The following WDFY3 variants were observed in gnomAD, a reference collection of about 807,000 sequenced individuals.
WDFY3 encodes the protein WD repeat and FYVE domain containing 3.
Under a neutral mutation model 409.6 loss-of-function variants are expected in WDFY3, and 66 were observed. The ratio of observed to expected loss-of-function variants is 0.16; its 90% confidence interval spans 0.13 to 0.20. The LOEUF (loss-of-function observed/expected upper bound fraction) is 0.20. Ranked by LOEUF, WDFY3 falls within the 10% of genes least tolerant of loss-of-function variation. The pLI is 1.00. For synonymous variants in WDFY3, 1,521 were observed against 1,537.1 expected, an observed-to-expected ratio of 0.99 and a Z score of 0.25; for missense variants, 3,031 against 4,298.1, an observed-to-expected ratio of 0.71 and a Z score of 8.24.
chr4:84,714,471 AG>A (rs1226872174), intron 50 of WDFY3, among the ~76,000 whole-genome samples: 1 of 152,182 alleles, frequency 6.6e-6, no homozygotes, highest in African/African-American at 2.4e-5. Flanking sequence ...AAATATGCTT[AG>A]ATTAGATTAA....
rs930780523 is a variant in WDFY3, at chr4:84,721,332, C to A, written c.7605+77G>T. 8.4e-6 allele frequency: 13 copies of A among 1,555,600 alleles called. No homozygotes were observed. In the African/African-American group the frequency reaches 1.2e-4, roughly 15 times the overall value. On this transcript the variant is annotated intron_variant, in intron 47 of 67. Transcript: ENST00000295888. ...AGGCTAATGCATTTACTTTCCACAG[C>A]TACCCTATCAACTCATCTTGTCTTA...
At chr4:84,732,867 T>C (rs1736832092) in intron 44 of WDFY3, among the ~76,000 whole-genome samples, 1 of 152,112 alleles carries the variant, frequency 6.6e-6, no homozygotes, top group African/African-American at 2.4e-5. Flanking sequence ...AGCCAGGGTG[T>C]TTGTCAGAGA....
At chr4:84,696,891 T>C (rs1055481719) in intron 56 of WDFY3, 68 bp from the exon 57 acceptor site, 2 of 1,390,658 alleles carry the variant, frequency 1.4e-6, no homozygotes, top group African/African-American at 1.4e-5. Context: ...TTTATATTAA[T>C]CTGACTGAGA....
chr4:84,738,534 A>G (rs1025277658), intron 40 of WDFY3, among the ~76,000 whole-genome samples: 5 of 151,914 alleles, frequency 3.3e-5, no homozygotes, highest in African/African-American at 1.2e-4. Flanking sequence ...CCCGAAAGGT[A>G]AAGGTTGTAG....
intron 1 of WDFY3, among the ~76,000 whole-genome samples, chr4:84,962,061 C>T (rs1774989549): frequency 6.6e-6 from 1 of 152,130 alleles, no homozygotes; most frequent in African/African-American, 2.4e-5. Flanking sequence ...CTCAAATGTC[C>T]ATCAGTTTAT....
At chr4:84,818,420 T>C (rs971124752) in intron 12 of WDFY3, among the ~76,000 whole-genome samples, 5 of 152,156 alleles carry the variant, frequency 3.3e-5, no homozygotes, top group Admixed American at 2.0e-4. Flanking sequence ...TAACAAACAG[T>C]CTTACTATTA....
At chr4:84,714,945 G>A (rs1358438994) in intron 50 of WDFY3, among the ~76,000 whole-genome samples, 15 of 138,688 alleles carry the variant, frequency 1.1e-4, no homozygotes, top group African/African-American at 1.7e-4. Context: ...ACGAGACTCC[G>A]TCTCAAAAAA....
chr4:84,915,262 C>G (rs575600481), intron 2 of WDFY3, among the ~76,000 whole-genome samples: 1 of 152,054 alleles, frequency 6.6e-6, no homozygotes, highest in Non-Finnish European at 1.5e-5. Flanking sequence ...GTGATGGTTA[C>G]CCAACATCCT....
chr4:84,829,831 A>AAATAAATAAATG lies in WDFY3; in HGVS notation c.770-642_770-641insCATTTATTTATT, dbSNP rs1369092938. Among the ~76,000 whole-genome samples, 17 of 150,150 alleles carry AAATAAATAAATG rather than the reference A, an allele frequency of 1.1e-4. No homozygotes were observed. The East Asian group carries it at 3.3e-3, about 29-fold the overall frequency. Reference sequence around the variant, plus strand: ...TCTCAAAATAAATAAATAAATAAATAAATAAATAAATAAATAAATTAGAGA... The same window carrying AAATAAATAAATG: ...TCTCAAAATAAATAAATAAATAAATAAATAAATAAATGAATAAATAAATAAATAAATTAGAGA... On this transcript the variant is annotated intron_variant, in intron 8 of 67. Coordinates refer to ENST00000295888, the MANE Select transcript of WDFY3 (RefSeq NM_014991.6).
chr4:84,707,999 C>T (rs963598983), intron 53 of WDFY3, among the ~76,000 whole-genome samples: 3 of 152,092 alleles, frequency 2.0e-5, no homozygotes, highest in Non-Finnish European at 4.4e-5. Flanking sequence ...TGAATAAGAA[C>T]GTTCACTGAA....
chr4:84,954,500 A>G (rs1047741520), intron 1 of WDFY3, among the ~76,000 whole-genome samples: 3 of 152,210 alleles, frequency 2.0e-5, no homozygotes, highest in Non-Finnish European at 4.4e-5. Flanking sequence ...AAATCTGACT[A>G]TAAATTTATC....
At chr4:84,750,540 G>A (rs1740344054) in intron 36 of WDFY3, among the ~76,000 whole-genome samples, 1 of 152,002 alleles carries the variant, frequency 6.6e-6, no homozygotes, top group South Asian at 2.1e-4. Context: ...GAGAAAAGCA[G>A]TCTTCTCCAC....
At chr4:84,816,327 A>T (rs1033386853) in intron 13 of WDFY3, among the ~76,000 whole-genome samples, 1 of 152,164 alleles carries the variant, frequency 6.6e-6, no homozygotes, top group Non-Finnish European at 1.5e-5. Context: ...TTCACAGCAG[A>T]TAAGCTGAAA....
At chr4:84,753,206 C>A (rs892642505) in intron 35 of WDFY3, among the ~76,000 whole-genome samples, 1 of 151,878 alleles carries the variant, frequency 6.6e-6, no homozygotes, top group Non-Finnish European at 1.5e-5. Flanking sequence ...ACAAAATAAG[C>A]AAAATAAAAC....
chr4:84,960,631 T>C (rs556803536), intron 1 of WDFY3, among the ~76,000 whole-genome samples: 1 of 152,220 alleles, frequency 6.6e-6, no homozygotes, highest in East Asian at 1.9e-4. Flanking sequence ...TGACTATGTA[T>C]TTTACAAGGT....
chr4:84,899,806 G>A (rs1484065774), intron 2 of WDFY3, among the ~76,000 whole-genome samples: 5 of 152,102 alleles, frequency 3.3e-5, no homozygotes, highest in African/African-American at 7.2e-5. Context: ...AAGCTGAGGC[G>A]TGAGGATCAC....
At chr4:84,767,631 A>G (rs1743903874) in intron 30 of WDFY3, among the ~76,000 whole-genome samples, 1 of 152,110 alleles carries the variant, frequency 6.6e-6, no homozygotes, top group Non-Finnish European at 1.5e-5. Flanking sequence ...GATAAAAAAA[A>G]AAAAAGAAAA....
At chr4:84,745,036 T>C (rs1401403541) in intron 36 of WDFY3, among the ~76,000 whole-genome samples, 9 of 152,118 alleles carry the variant, frequency 5.9e-5, no homozygotes, top group Non-Finnish European at 8.8e-5. Context: ...TGTACAAAGA[T>C]GATTTTGAAA....
intron 2 of WDFY3, among the ~76,000 whole-genome samples, chr4:84,928,607 T>C (rs548962598): frequency 2.0e-5 from 3 of 152,312 alleles, no homozygotes; most frequent in Admixed American, 6.5e-5. Context: ...AAAGTAACTG[T>C]AATTGAGCAG....
Sources: gnomAD v4.1 joint callset for allele counts (sites outside exome capture counted in the v4.1 genomes callset) on GRCh38, gnomAD v4.1.1 for gene constraint, MANE v1.5 for transcripts, NCBI Gene and HGNC (gene_info 2026-07-23, HGNC 2026-07-21) for gene names.